The following NAV3 variants were observed in gnomAD, a reference collection of about 807,000 sequenced individuals.
NAV3 encodes pore membrane and/or filament interacting like protein 1.
A neutral mutation model predicts 244.7 loss-of-function variants in NAV3; 87 were observed. The observed-to-expected ratio is 0.36, with a 90% CI of 0.30 to 0.42. NAV3 has a LOEUF of 0.42. Ranked by LOEUF, NAV3 falls within the 20% of genes least tolerant of loss-of-function variation. The probability of loss-of-function intolerance (pLI) is 1.00; values close to 1 mark genes in which losing one functional copy is unlikely to be tolerated. For missense variants in NAV3, 2,663 were observed against 2,893.3 expected (o/e 0.92, Z 1.83); for synonymous variants, 1,126 against 1,042.2 (o/e 1.08, Z -1.55).
intron 2 of NAV3, among the ~76,000 whole-genome samples, chr12:77,589,310 G>A (rs138547962): frequency 2.6e-5 from 4 of 151,998 alleles, no homozygotes; most frequent in African/African-American, 9.6e-5. Flanking sequence ...TCTATCCTCT[G>A]TCTGTTACCC....
chr12:78,112,319 T>C (rs938180561), intron 12 of NAV3, among the ~76,000 whole-genome samples: 2 of 152,242 alleles, frequency 1.3e-5, no homozygotes, highest in Non-Finnish European at 2.9e-5. Context: ...TAAGAGAGTC[T>C]GGGAATGTGA....
chr12:77,695,391 A>G (rs560314219), intron 2 of NAV3, among the ~76,000 whole-genome samples: 1 of 152,238 alleles, frequency 6.6e-6, no homozygotes, highest in East Asian at 1.9e-4. Context: ...TTCCAGCACC[A>G]TTTATTGAAG....
chr12:77,703,918 C>G (rs1263562998), intron 2 of NAV3, among the ~76,000 whole-genome samples: 1 of 152,150 alleles, frequency 6.6e-6, no homozygotes, highest in Non-Finnish European at 1.5e-5. Flanking sequence ...TTTAATATGA[C>G]TCCTGGCTTA....
intron 1 of NAV3, among the ~76,000 whole-genome samples, chr12:77,858,170 A>G (rs939259999): frequency 1.8e-4 from 28 of 152,092 alleles, no homozygotes; most frequent in Middle Eastern, 3.2e-3. Context: ...ACAATCGCTT[A>G]TAATATTTCA....
At chr12:77,977,706 A>ACGCG (rs1431125477) in intron 5 of NAV3, among the ~76,000 whole-genome samples, 5 of 90,618 alleles carry the variant, frequency 5.5e-5, no homozygotes, top group Admixed American at 1.4e-4. Flanking sequence ...ACACACACAC[A>ACGCG]CACGCGCACA....
chr12:78,175,334 T>G lies in NAV3; in HGVS notation c.5010T>G (p.Ser1670=). ...TTCGCATCAGAAGACAGCATTCCTCTGAAAGTGTTTCTAGTATCAACAGTG... is the reference window on the plus strand; with the variant it reads ...TTCGCATCAGAAGACAGCATTCCTCGGAAAGTGTTTCTAGTATCAACAGTG... ...KDLRIRRQHS[S]ESVSSINSAT... The change falls in exon 25 of 40, where the codon TCT becomes TCG. Residue 1670 remains serine (S), a synonymous_variant. Transcript: ENST00000397909. The G allele has an allele frequency of 6.2e-7, 1 of 1,611,464 alleles. No homozygotes were observed. The highest frequency in any genetic ancestry group is 2.2e-5 in the East Asian group (1 of 44,684).
chr12:77,665,833 A>T (rs1000526509), intron 2 of NAV3, among the ~76,000 whole-genome samples: 2 of 152,120 alleles, frequency 1.3e-5, no homozygotes, highest in South Asian at 2.1e-4. Context: ...TAACCATTCC[A>T]CTTCAAGTTA....
At chr12:78,169,317 A>C (rs1957906224) in intron 24 of NAV3, among the ~76,000 whole-genome samples, 1 of 151,724 alleles carries the variant, frequency 6.6e-6, no homozygotes, top group African/African-American at 2.4e-5. Flanking sequence ...TCCTGGATGG[A>C]GGCTATAAAA....
intron 5 of NAV3, among the ~76,000 whole-genome samples, chr12:77,987,368 A>C (rs1259722277): frequency 6.6e-6 from 1 of 152,212 alleles, no homozygotes; most frequent in Non-Finnish European, 1.5e-5. Context: ...ACATTAAAAG[A>C]CTTAATTTTC....
chr12:77,661,672 T>A (rs1204694414), intron 2 of NAV3, among the ~76,000 whole-genome samples: 1 of 152,118 alleles, frequency 6.6e-6, no homozygotes, highest in Non-Finnish European at 1.5e-5. Flanking sequence ...GTTTATAATC[T>A]TAGCTTTTAC....
chr12:77,986,023 T>C (rs1359810805), intron 5 of NAV3, among the ~76,000 whole-genome samples: 1 of 152,172 alleles, frequency 6.6e-6, no homozygotes, highest in Non-Finnish European at 1.5e-5. Flanking sequence ...AGCAAATTGT[T>C]GTGGCTTTCT....
rs184942136 is a variant in NAV3, at chr12:77,784,214, A to G, written c.73-156105A>G. On this transcript the variant is annotated intron_variant, in intron 2 of 8. Transcript: ENST00000550042. ...GAGGACAGAAATTCCTCTAATCCCA[A>G]CACAGACACTCTCTTTAGCTGCAAA... Among the ~76,000 whole-genome samples the G allele has an allele frequency of 1.4e-3, 213 of 152,256 alleles. 1 individual carries two copies. Among genetic ancestry groups the G allele is most frequent in the African/African-American group, 4.9e-3 (204 of 41,544 alleles).
At chr12:77,959,076 G>C in intron 3 of NAV3, among the ~76,000 whole-genome samples, 1 of 152,182 alleles carries the variant, frequency 6.6e-6, no homozygotes, top group Non-Finnish European at 1.5e-5. Context: ...AGTGTGAACA[G>C]TGCAATTCCA....
chr12:78,131,600 T>C (rs1956168632), intron 18 of NAV3, among the ~76,000 whole-genome samples: 1 of 152,188 alleles, frequency 6.6e-6, no homozygotes, highest in Non-Finnish European at 1.5e-5. Context: ...ATTTGATTAG[T>C]TGACTCCTTC....
Position 77,844,151 on chromosome 12 carries a change from GC to G in NAV3, c.243+12449del, listed in dbSNP as rs538777243. Among the ~76,000 whole-genome samples, 440 of 152,264 alleles carry G rather than the reference GC, an allele frequency of 2.9e-3. 3 individuals are homozygous for G. The highest frequency in any genetic ancestry group is 0.01 in the African/African-American group (420 of 41,548). On this transcript the variant is annotated intron_variant, in intron 1 of 39. Coordinates refer to ENST00000397909, the MANE Select transcript of NAV3 (RefSeq NM_001024383.2). ...GAAATTTATTTCTTACAGTTCTGGA[GC>G]CTGGGATGTCTAAGATCGAGGTGAC...
chr12:77,664,329 A>T (rs552581697), intron 2 of NAV3, among the ~76,000 whole-genome samples: 2 of 152,220 alleles, frequency 1.3e-5, no homozygotes, highest in Admixed American at 1.3e-4. Context: ...GTGATATTCA[A>T]TGAAGAATGA....
At chr12:77,685,630 C>T (rs145725216) in intron 2 of NAV3, among the ~76,000 whole-genome samples, 30 of 152,114 alleles carry the variant, frequency 2.0e-4, no homozygotes, top group African/African-American at 4.8e-4. Context: ...ATGAATAGCC[C>T]GGAAGATTCT....
intron 12 of NAV3, among the ~76,000 whole-genome samples, chr12:78,095,941 T>C (rs1159618393): frequency 6.6e-6 from 1 of 152,160 alleles, no homozygotes; most frequent in Non-Finnish European, 1.5e-5. Context: ...CTACATAGGC[T>C]AGTGGCAGAT....
In NAV3 at chr12:78,212,907, T is replaced by C. The variant is rs1268944607; in HGVS notation, c.*2390T>C. On this transcript the variant is annotated 3_prime_UTR_variant, in exon 40 of 40. Transcript: ENST00000397909. ...GATGTATTTTCTATTGGTTTATTGT[T>C]CCTCTAGCTTGTAAACCAGCTTGCA... 1 of 152,620 alleles carries C rather than the reference T, an allele frequency of 6.6e-6. No individual in the cohort carries two copies. The allele number at this position is 152,620 out of a possible 1,614,324, so 9.5% of individuals were successfully genotyped here.
Sources: gnomAD v4.1 joint callset for allele counts (sites outside exome capture counted in the v4.1 genomes callset) on GRCh38, gnomAD v4.1.1 for gene constraint, MANE v1.5 for transcripts, NCBI Gene and HGNC (gene_info 2026-07-23, HGNC 2026-07-21) for gene names.